Variants in RNF150 observed in about 807,000 individuals in gnomAD.
The protein encoded by RNF150 is ring finger protein 150.
Under a neutral mutation model 39.3 loss-of-function variants are expected in RNF150, and 24 were observed. The observed-to-expected ratio is 0.61, with a 90% CI of 0.44 to 0.86. The LOEUF is 0.86. Ranked by LOEUF, RNF150 falls within the 40% of genes least tolerant of loss-of-function variation. RNF150 has a pLI of 0.00. For synonymous variants in RNF150, 255 were observed against 227.3 expected (o/e 1.12, Z -1.10); for missense variants, 502 against 587.8 (o/e 0.85, Z 1.51).
chr4:141,003,647 A>G (rs531158914), intron 1 of RNF150, among the ~76,000 whole-genome samples: 11 of 151,814 alleles, frequency 7.2e-5, no homozygotes, highest in Non-Finnish European at 1.3e-4. Flanking sequence ...CCTGAAATCC[A>G]AGGGAAGGGG....
At chr4:140,918,830 A>G (rs1450162785) in intron 5 of RNF150, among the ~76,000 whole-genome samples, 1 of 152,214 alleles carries the variant, frequency 6.6e-6, no homozygotes, top group East Asian at 1.9e-4. Context: ...CAAAAAGCTT[A>G]TCCACCATGA....
At position 140,950,225 on chromosome 4, in the gene RNF150, TGTA is replaced by T. The variant is rs1209902077; in HGVS notation, c.736-856_736-854del. Among the ~76,000 whole-genome samples the T allele has an allele frequency of 8.5e-5, 13 of 152,350 alleles. No homozygotes were observed. In the South Asian group the frequency reaches 2.5e-3, roughly 29 times the overall value. ...TGGTCTGCAATAGATGTGTATCTGTTGTAGTAAAACAGAAGGACTAAGATTAAG... is the reference window on the plus strand; with the variant it reads ...TGGTCTGCAATAGATGTGTATCTGTTGTAAAACAGAAGGACTAAGATTAAG... On this transcript the variant is annotated intron_variant, in intron 2 of 6. Coordinates refer to ENST00000515673, the MANE Select transcript of RNF150 (RefSeq NM_020724.2).
At position 140,901,082 on chromosome 4, in the gene RNF150, C is replaced by T. The variant is rs542733435; in HGVS notation, c.1198+10062G>A. ...TGGGTTAATATAAAATAGTAAAGGT[C>T]GTGTAGATGGTATAAAACAAAAACG... On this transcript the variant is annotated intron_variant, in intron 6 of 6. Coordinates refer to ENST00000515673, the MANE Select transcript of RNF150 (RefSeq NM_020724.2). Among the ~76,000 whole-genome samples, 24 of 152,182 alleles carry T rather than the reference C, an allele frequency of 1.6e-4. No homozygotes were observed. In the East Asian group the frequency reaches 3.5e-3, roughly 22 times the overall value.
intron 1 of RNF150, among the ~76,000 whole-genome samples, chr4:141,018,203 G>A (rs1735353434): frequency 6.6e-6 from 1 of 152,092 alleles, no homozygotes; most frequent in South Asian, 2.1e-4. Context: ...TATCCCTCTA[G>A]GTTGTCAGTC....
chr4:140,882,924 A>C lies in RNF150; in HGVS notation c.1199-14545T>G, dbSNP rs568742161. ...AGTAATTACTGATAGGGAAGTACTT[A>C]TTATTTTCATTTTATCATTTTCTAT... On this transcript the variant is annotated intron_variant, in intron 6 of 6. Transcript: ENST00000515673. 2.0e-5 allele frequency among the ~76,000 whole-genome samples: 3 copies of C among 152,016 alleles called. No individual in the cohort carries two copies. In the South Asian group the frequency reaches 6.2e-4, roughly 31 times the overall value.
intron 6 of RNF150, among the ~76,000 whole-genome samples, chr4:140,891,429 A>G (rs1007887359): frequency 1.3e-4 from 20 of 152,126 alleles, no homozygotes; most frequent in African/African-American, 3.9e-4. Context: ...CACCCCAAGG[A>G]CCACTGTGGG....
At chr4:141,209,226 GTTATAATTA>G (rs1728422605) in intron 1 of RNF150, among the ~76,000 whole-genome samples, 1 of 151,718 alleles carries the variant, frequency 6.6e-6, no homozygotes, top group Non-Finnish European at 1.5e-5. Flanking sequence ...ATAATTAAAA[GTTATAATTA>G]AAAGTATTTC....
At chr4:141,162,275 G>A (rs1727527528) in intron 1 of RNF150, among the ~76,000 whole-genome samples, 1 of 152,210 alleles carries the variant, frequency 6.6e-6, no homozygotes, top group Non-Finnish European at 1.5e-5. Flanking sequence ...AAGATTTAAT[G>A]ACTGCCCTGC....
chr4:141,068,059 C>T (rs1018134699), intron 1 of RNF150, among the ~76,000 whole-genome samples: 1 of 151,932 alleles, frequency 6.6e-6, no homozygotes, highest in African/African-American at 2.4e-5. Flanking sequence ...AATTCTTGTG[C>T]CTCAGTCTCC....
At chr4:141,046,764 T>C (rs1467214118) in intron 1 of RNF150, among the ~76,000 whole-genome samples, 1 of 152,206 alleles carries the variant, frequency 6.6e-6, no homozygotes, top group East Asian at 1.9e-4. Context: ...AGTGCCTCCC[T>C]CATACGATCT....
chr4:140,902,007 G>C (rs913992630), intron 6 of RNF150, among the ~76,000 whole-genome samples: 1 of 152,176 alleles, frequency 6.6e-6, no homozygotes, highest in East Asian at 1.9e-4. Context: ...GATTTTGTTA[G>C]ATTAGGCAGA....
At chr4:141,035,263 C>T (rs1258792629) in intron 1 of RNF150, among the ~76,000 whole-genome samples, 3 of 152,122 alleles carry the variant, frequency 2.0e-5, no homozygotes, top group Non-Finnish European at 4.4e-5. Context: ...CATGAAGTTA[C>T]ATTTGTTCAT....
intron 6 of RNF150, among the ~76,000 whole-genome samples, chr4:140,898,387 T>C (rs1239250234): frequency 6.6e-6 from 1 of 152,112 alleles, no homozygotes; most frequent in East Asian, 1.9e-4. Context: ...TCATCCCTGC[T>C]GAGACATGGC....
intron 6 of RNF150, among the ~76,000 whole-genome samples, chr4:140,872,898 T>G (rs946721347): frequency 3.9e-5 from 6 of 152,240 alleles, no homozygotes; most frequent in Admixed American, 2.6e-4. Context: ...TGACTCTCAA[T>G]ACATTTGGAA....
intron 1 of RNF150, among the ~76,000 whole-genome samples, chr4:141,045,930 GTA>G (rs1736558248): frequency 6.6e-6 from 1 of 152,068 alleles, no homozygotes; most frequent in African/African-American, 2.4e-5. Flanking sequence ...ATATCAATAT[GTA>G]TGCAATACAT....
intron 5 of RNF150, among the ~76,000 whole-genome samples, chr4:140,917,079 T>C (rs1730865464): frequency 6.6e-6 from 1 of 152,192 alleles, no homozygotes; most frequent in South Asian, 2.1e-4. Context: ...TACTAGCCAC[T>C]GCAAAAACAT....
intron 5 of RNF150, 92 bp from the exon 6 acceptor site, chr4:140,911,446 A>T: frequency 9.1e-7 from 1 of 1,094,636 alleles, no homozygotes; most frequent in Admixed American, 2.8e-5. Flanking sequence ...CCATGAAAAA[A>T]TTAAGTTCTT....
intron 1 of RNF150, among the ~76,000 whole-genome samples, chr4:141,095,877 C>T (rs1190490553): frequency 6.6e-6 from 1 of 152,178 alleles, no homozygotes; most frequent in African/African-American, 2.4e-5. Context: ...ATACTGAGTG[C>T]TGAGAACATT....
chr4:141,062,239 G>A (rs1013955458), intron 1 of RNF150, among the ~76,000 whole-genome samples: 1 of 151,976 alleles, frequency 6.6e-6, no homozygotes, highest in Non-Finnish European at 1.5e-5. Flanking sequence ...TCTTCCTTCT[G>A]AGTCTTTGCG....
Sources: allele counts gnomAD v4.1 joint callset (sites outside exome capture counted in the v4.1 genomes callset), GRCh38; gene constraint gnomAD v4.1.1; transcripts MANE v1.5; gene names NCBI Gene and HGNC (gene_info 2026-07-23, HGNC 2026-07-21).